Variants in FBXO10 observed in about 807,000 individuals in gnomAD.
FBXO10 encodes F-box protein 10.
FBXO10 carries 39 observed loss-of-function variants against 80.7 expected under a neutral mutation model. The ratio of observed to expected loss-of-function variants is 0.48; its 90% CI spans 0.37 to 0.63. The LOEUF is 0.63. Ranked by LOEUF, FBXO10 falls within the 30% of genes least tolerant of loss-of-function variation. The probability of loss-of-function intolerance (pLI) is 0.00; values close to 1 mark genes in which losing one functional copy is unlikely to be tolerated. For missense variants in FBXO10, 1,025 were observed against 1,269.0 expected, an observed-to-expected ratio of 0.81 and a Z score of 2.92; for synonymous variants, 449 against 489.6, an observed-to-expected ratio of 0.92 and a Z score of 1.09.
intron 1 of FBXO10, 121 bp downstream of exon 1, chr9:37,576,090 G>GTCT (rs1822888572): frequency 6.6e-6 from 1 of 152,272 alleles, no homozygotes; most frequent in Non-Finnish European, 1.5e-5. Flanking sequence ...AGCCCGACCA[G>GTCT]ACGCTCAGCC....
rs769176618 is a variant in FBXO10, at chr9:37,537,576, C to T, written c.953G>A (p.Ser318Asn). Residue 318 changes from serine (S) to asparagine (N), a missense_variant, in exon 3 of 11, where the codon AGC (serine) becomes AAC (asparagine). This residue lies in a region of FBXO10 where 450 missense variants were observed against 499.4 expected (regional missense o/e 0.90). Transcript: ENST00000432825. ...GGAGCTAGAGGCTGGGCTGGTAGGG[C>T]TCTGGCTGCCCTCGATAACAATGTC... is the stretch of plus-strand genomic sequence containing the variant. ...TCDIVIEGSQ[S>N]PTSPASSSPK... 13 of 1,613,544 alleles carry T rather than the reference C, an allele frequency of 8.1e-6. No individual in the cohort carries two copies. The highest frequency in any genetic ancestry group is 1.0e-5 in the Non-Finnish European group (12 of 1,179,766).
At chr9:37,555,505 C>T (rs1053782309) in intron 1 of FBXO10, among the ~76,000 whole-genome samples, 2 of 151,930 alleles carry the variant, frequency 1.3e-5, no homozygotes, top group African/African-American at 2.4e-5. Flanking sequence ...CTCAGCCTCC[C>T]GAGTAGCTGG....
At chr9:37,512,743 C>T in intron 10 of FBXO10, 22 bp from the exon 11 acceptor site, 1 of 1,606,212 alleles carries the variant, frequency 6.2e-7, no homozygotes, top group African/African-American at 1.3e-5. Context: ...AAACGAAAGT[C>T]AGTGAACTTC....
chr9:37,518,393 G>C lies in FBXO10; in HGVS notation c.2246C>G (p.Thr749Ser), dbSNP rs879128316. 2 of 1,612,950 alleles carry C rather than the reference G, an allele frequency of 1.2e-6. No homozygotes were observed. Among genetic ancestry groups the C allele is most frequent in the South Asian group, 2.2e-5 (2 of 90,990 alleles). ...GTCCCCATTCGCGTGGATCACATTGGTGATGACATGCAGTGCCTCGCTGCT... is the reference window on the plus strand; with the variant it reads ...GTCCCCATTCGCGTGGATCACATTGCTGATGACATGCAGTGCCTCGCTGCT... ...VQSSEALHVI[T>S]NVIHANGDRG... The change falls in exon 9 of 11, where the codon ACC (threonine) becomes AGC (serine). Residue 749 changes from threonine to serine, a missense_variant. Physicochemically the swap from Thr to Ser is moderately conservative, Grantham distance 58. Transcript: ENST00000432825.
Position 37,547,471 on chromosome 9 carries a change from T to C in FBXO10, c.-6-5697A>G, listed in dbSNP as rs188183680. The stretch of plus-strand genomic sequence containing the variant: ...AACAAAAAACAAAAAATTAGCTGAG[T>C]GTGGTGACGCACAACTGTAGTCCCA... On this transcript the variant is annotated intron_variant, in intron 1 of 10. Coordinates refer to ENST00000432825, the MANE Select transcript of FBXO10 (RefSeq NM_012166.3). Among the ~76,000 whole-genome samples the C allele has an allele frequency of 2.0e-3, 299 of 151,920 alleles. 2 individuals carry two copies. The highest frequency in any genetic ancestry group is 6.3e-3 in the African/African-American group (263 of 41,424).
chr9:37,563,827 G>A (rs1822539477), intron 1 of FBXO10, among the ~76,000 whole-genome samples: 1 of 152,216 alleles, frequency 6.6e-6, no homozygotes, highest in Non-Finnish European at 1.5e-5. Flanking sequence ...AAGGTTTAAT[G>A]ACTGGCCTAT....
intron 1 of FBXO10, among the ~76,000 whole-genome samples, chr9:37,554,655 T>C (rs1237416929): frequency 6.6e-6 from 1 of 152,222 alleles, no homozygotes; most frequent in Non-Finnish European, 1.5e-5. Context: ...ATTAGTTTTG[T>C]CTGTTCTAGA....
intron 6 of FBXO10, 74 bp downstream of exon 6, chr9:37,525,028 A>T: frequency 7.8e-7 from 1 of 1,281,950 alleles, no homozygotes; most frequent in Non-Finnish European, 1.1e-6. Context: ...GAGCAGTGTG[A>T]GGTCCTGAAG....
At chr9:37,520,916 G>A (rs942905452) in intron 8 of FBXO10, among the ~76,000 whole-genome samples, 1 of 152,118 alleles carries the variant, frequency 6.6e-6, no homozygotes, top group African/African-American at 2.4e-5. Context: ...CAGTGTTGAT[G>A]AAACAGCCAC....
chr9:37,513,475 G>A (rs1821112451), intron 10 of FBXO10, among the ~76,000 whole-genome samples: 1 of 152,178 alleles, frequency 6.6e-6, no homozygotes, highest in Non-Finnish European at 1.5e-5. Flanking sequence ...CGCCTTACAT[G>A]CAACACCATG....
At chr9:37,529,923 C>T (rs1821576232) in intron 4 of FBXO10, among the ~76,000 whole-genome samples, 1 of 150,952 alleles carries the variant, frequency 6.6e-6, no homozygotes, top group Admixed American at 6.6e-5. Flanking sequence ...ATCCTCCCAT[C>T]TTGGCCTCCC....
intron 8 of FBXO10, among the ~76,000 whole-genome samples, chr9:37,518,676 C>G (rs1044723346): frequency 6.6e-6 from 1 of 152,160 alleles, no homozygotes; most frequent in Non-Finnish European, 1.5e-5. Context: ...TTCAGTGTAG[C>G]CAGGGAAACA....
chr9:37,540,428 C>T (rs552561164), intron 2 of FBXO10, among the ~76,000 whole-genome samples: 18 of 152,204 alleles, frequency 1.2e-4, no homozygotes, highest in Admixed American at 2.0e-4. Context: ...CCACCTGCCT[C>T]GGCCTCCCAA....
At chr9:37,565,156 C>T (rs1045157770) in intron 1 of FBXO10, among the ~76,000 whole-genome samples, 17 of 152,140 alleles carry the variant, frequency 1.1e-4, no homozygotes, top group African/African-American at 9.7e-5. Flanking sequence ...CTCTCTCCTG[C>T]CACCCTGTGA....
chr9:37,573,595 G>A (rs1021016255), intron 1 of FBXO10, among the ~76,000 whole-genome samples: 3 of 152,202 alleles, frequency 2.0e-5, no homozygotes, highest in Non-Finnish European at 2.9e-5. Context: ...CCTCTGGAGA[G>A]TGACAGTAAG....
chr9:37,551,766 C>A (rs1463288115), intron 1 of FBXO10, among the ~76,000 whole-genome samples: 1 of 113,804 alleles, frequency 8.8e-6, no homozygotes, highest in Non-Finnish European at 1.8e-5. Context: ...TTAAAAAATT[C>A]TTTACATAAC....
chr9:37,554,512 C>T (rs1484213513), intron 1 of FBXO10, among the ~76,000 whole-genome samples: 1 of 152,118 alleles, frequency 6.6e-6, no homozygotes, highest in Non-Finnish European at 1.5e-5. Flanking sequence ...CAACCCCCTA[C>T]CAAGAAATGG....
Position 37,521,653 on chromosome 9 carries a change from T to C in FBXO10, c.2116A>G (p.Thr706Ala). The C allele has an allele frequency of 2.5e-6, 4 of 1,613,932 alleles. No individual in the cohort carries two copies. The highest frequency in any genetic ancestry group is 3.4e-6 in the Non-Finnish European group (4 of 1,179,870). The change falls in exon 8 of 11, where the codon ACA becomes GCA. Residue 706 changes from threonine to alanine, a missense_variant. Coordinates refer to ENST00000432825, the MANE Select transcript of FBXO10 (RefSeq NM_012166.3). ...GGGTCGTCCTCCTTCTCCAGCTCTGTCTCCCAGAGGATGGCGTCCCCATCC... is the reference window on the plus strand; with the variant it reads ...GGGTCGTCCTCCTTCTCCAGCTCTGCCTCCCAGAGGATGGCGTCCCCATCC... ...SEDGDAILWE[T>A]ELEKEDDPLR... is the part of the protein sequence containing the mutation.
rs1426417815 is a variant in FBXO10 at position 37,521,800 on chromosome 9, G to A, written c.1969C>T (p.Leu657Phe). 6.2e-7 allele frequency: 1 copy of A among 1,604,434 alleles called. No homozygotes were observed. The highest frequency in any genetic ancestry group is 1.7e-5 in the Admixed American group (1 of 59,810). ...ACGTGGTTGCTGGTGACATGGGGGAGGCTGGACGACATCATCCACACACCA... is the reference window on the plus strand; with the variant it reads ...ACGTGGTTGCTGGTGACATGGGGGAAGCTGGACGACATCATCCACACACCA... ...GCGVWMMSSS[L>F]PHVTSNHVSY... The change falls in exon 8 of 11, where the codon CTC becomes TTC. Residue 657 changes from leucine to phenylalanine, a missense_variant. Around this residue, in one of 3 missense-constraint regions of FBXO10, gnomAD observed 478 missense variants for 667.8 expected, o/e 0.72. Coordinates refer to ENST00000432825, the MANE Select transcript of FBXO10 (RefSeq NM_012166.3).
Sources: allele counts gnomAD v4.1 joint callset (sites outside exome capture counted in the v4.1 genomes callset), GRCh38; gene constraint gnomAD v4.1.1; regional missense constraint gnomAD v4.1.1; transcripts MANE v1.5; gene names NCBI Gene and HGNC (gene_info 2026-07-23, HGNC 2026-07-21).